The following FSD1L variants were observed in gnomAD, a reference collection of about 807,000 sequenced individuals.
FSD1L encodes FSD1-like protein.
FSD1L carries 45 observed loss-of-function variants against 71.6 expected under a neutral mutation model. The ratio of observed to expected loss-of-function variants is 0.63; its 90% CI spans 0.49 to 0.81. The LOEUF is 0.81. FSD1L is among the 30% of genes least tolerant of loss of function. FSD1L has a pLI of 0.00. For missense variants in FSD1L, 561 were observed against 618.1 expected, an observed-to-expected ratio of 0.91 and a Z score of 0.98; for synonymous variants, 197 against 207.2, an observed-to-expected ratio of 0.95 and a Z score of 0.42.
At chr9:105,463,408 C>G (rs1830848986) in intron 2 of FSD1L, among the ~76,000 whole-genome samples, 1 of 152,106 alleles carries the variant, frequency 6.6e-6, no homozygotes. Flanking sequence ...GCTGTTGCTA[C>G]CAATGAGGAG....
intron 10 of FSD1L, among the ~76,000 whole-genome samples, chr9:105,532,451 T>C (rs1835954750): frequency 1.3e-5 from 2 of 152,330 alleles, no homozygotes; most frequent in South Asian, 4.1e-4. Flanking sequence ...ATCTCAAACC[T>C]TGAAGAAGTG....
intron 10 of FSD1L, among the ~76,000 whole-genome samples, chr9:105,528,408 C>T (rs1057272546): frequency 2.0e-5 from 3 of 152,196 alleles, no homozygotes; most frequent in Admixed American, 6.5e-5. Context: ...GTAACCAAAA[C>T]AGCATGGCAC....
intron 7 of FSD1L, among the ~76,000 whole-genome samples, chr9:105,491,030 G>A (rs889518071): frequency 5.3e-5 from 8 of 151,710 alleles, no homozygotes; most frequent in East Asian, 1.9e-4. Flanking sequence ...TAGTTTTTTC[G>A]AATTCTGTGA....
intron 7 of FSD1L, among the ~76,000 whole-genome samples, chr9:105,486,277 A>G (rs1279918327): frequency 6.6e-6 from 1 of 152,202 alleles, no homozygotes; most frequent in Non-Finnish European, 1.5e-5. Context: ...AGTAAAACTG[A>G]TATTAAAGCA....
intron 7 of FSD1L, among the ~76,000 whole-genome samples, chr9:105,498,190 T>TTTATTATTATTATTATTATTA (rs61620098): frequency 3.5e-5 from 5 of 143,412 alleles, no homozygotes; most frequent in Admixed American, 1.4e-4. Context: ...TTGCTTTGGC[T>TTTATTATTATTATTATTATTA]TTATTATTAT....
At chr9:105,503,215 A>T (rs1316416247) in intron 7 of FSD1L, among the ~76,000 whole-genome samples, 3 of 152,262 alleles carry the variant, frequency 2.0e-5, no homozygotes, top group Non-Finnish European at 2.9e-5. Flanking sequence ...TTAAAAATTC[A>T]TGAAGGATGC....
At chr9:105,450,610 T>G (rs948871374) in intron 1 of FSD1L, among the ~76,000 whole-genome samples, 1 of 151,626 alleles carries the variant, frequency 6.6e-6, no homozygotes, top group African/African-American at 2.4e-5. Flanking sequence ...CTTGGCTTAC[T>G]GCAACCTCCG....
Position 105,512,867 on chromosome 9 carries a change from G to T in FSD1L, c.956G>T (p.Cys319Phe), listed in dbSNP as rs1177467167. Residue 319 changes from cysteine to phenylalanine, a missense_variant, in exon 10 of 14, where the codon TGT (cysteine) becomes TTT (phenylalanine). Around this residue, in one of 3 missense-constraint regions of FSD1L, gnomAD observed 410 missense variants for 413.5 expected, o/e 0.99. Transcript: ENST00000481272. ...SHLNLKVEDT[C>F]VEWDPTGGKG... ...TTGAACCTGAAAGTTGAAGATACAT[G>T]TGTAGAGTGGGATCCTACTGGAGGA... 3.2e-6 allele frequency: 5 copies of T among 1,542,740 alleles called. No individual in the cohort carries two copies. Among genetic ancestry groups the T allele is most frequent in the East Asian group, 4.9e-5 (2 of 40,420 alleles).
At chr9:105,472,765 GA>G (rs1201230816) in intron 5 of FSD1L, 1 of 152,122 alleles carries the variant, frequency 6.6e-6, no homozygotes, top group Non-Finnish European at 1.5e-5. Flanking sequence ...CTTGAAGGTA[GA>G]AAAAACTTCC....
intron 7 of FSD1L, among the ~76,000 whole-genome samples, chr9:105,484,834 TACTTA>T (rs1239530315): frequency 8.5e-5 from 13 of 152,288 alleles, no homozygotes; most frequent in African/African-American, 3.1e-4. Flanking sequence ...TTGAACAATT[TACTTA>T]ACTTGCTTCA....
intron 10 of FSD1L, chr9:105,519,981 G>T: frequency 2.2e-6 from 3 of 1,357,016 alleles, no homozygotes; most frequent in South Asian, 1.5e-5. Context: ...GGCCTGGATC[G>T]GGGAGGAGTC....
At position 105,546,617 on chromosome 9, in the gene FSD1L, T is replaced by C; in HGVS notation, c.*134T>C. Reference sequence around the variant, plus strand: ...CTTTGAGGCCTGGAATCTTTTATCATTAAACACCTAGTACGAAGCATTTGC... The same window carrying C: ...CTTTGAGGCCTGGAATCTTTTATCACTAAACACCTAGTACGAAGCATTTGC... On this transcript the variant is annotated 3_prime_UTR_variant, in exon 14 of 14. Coordinates refer to ENST00000481272, the MANE Select transcript of FSD1L (RefSeq NM_001145313.3). 1.2e-6 allele frequency: 1 copy of C among 803,288 alleles called. No individual in the cohort carries two copies. 49.8% of individuals were successfully genotyped at this position (803,288 alleles called of 1,614,324 possible). A position where few individuals can be genotyped will look rare whatever the true frequency, so the allele number is the denominator to read the frequency against.
chr9:105,448,315 C>T, intron 1 of FSD1L, 80 bp downstream of exon 1: 4 of 1,302,780 alleles, frequency 3.1e-6, no homozygotes, highest in Non-Finnish European at 4.1e-6. Flanking sequence ...GGCCCGTGGG[C>T]TGTGGGTGCG....
intron 7 of FSD1L, among the ~76,000 whole-genome samples, chr9:105,501,392 C>T (rs1220064904): frequency 6.6e-6 from 1 of 151,872 alleles, no homozygotes; most frequent in Non-Finnish European, 1.5e-5. Context: ...TTTAAGGTGA[C>T]ACTGTTGCTT....
intron 7 of FSD1L, among the ~76,000 whole-genome samples, chr9:105,495,419 T>C (rs1033183998): frequency 1.3e-5 from 2 of 152,160 alleles, no homozygotes; most frequent in African/African-American, 4.8e-5. Context: ...TTTCTTTGAC[T>C]AGGATAGGGA....
chr9:105,534,364 T>C (rs528226096), intron 10 of FSD1L, 129 bp from the exon 11 acceptor site: 2 of 564,840 alleles, frequency 3.5e-6, no homozygotes, highest in Admixed American at 6.2e-5. Context: ...CAGATCAAAT[T>C]GAATGGTGTT....
chr9:105,513,601 T>C, intron 10 of FSD1L: 1 of 1,533,000 alleles, frequency 6.5e-7, no homozygotes, highest in African/African-American at 1.4e-5. Flanking sequence ...TCTGACAGTG[T>C]CCATGTTACT....
chr9:105,486,985 G>A (rs1468502948), intron 7 of FSD1L, among the ~76,000 whole-genome samples: 1 of 152,088 alleles, frequency 6.6e-6, no homozygotes, highest in Non-Finnish European at 1.5e-5. Flanking sequence ...GCGATATCAT[G>A]TGATTAAACC....
At chr9:105,459,351 T>C (rs1443630278) in intron 1 of FSD1L, among the ~76,000 whole-genome samples, 1 of 152,232 alleles carries the variant, frequency 6.6e-6, no homozygotes, top group Non-Finnish European at 1.5e-5. Context: ...GCTTTTTATC[T>C]TTATGCCATT....
Sources: allele counts gnomAD v4.1 joint callset (sites outside exome capture counted in the v4.1 genomes callset), GRCh38; gene constraint gnomAD v4.1.1; regional missense constraint gnomAD v4.1.1; transcripts MANE v1.5; gene names NCBI Gene and HGNC (gene_info 2026-07-23, HGNC 2026-07-21).